The following SLC35F4 variants were observed in gnomAD, a reference collection of about 807,000 sequenced individuals.
The protein encoded by SLC35F4 is solute carrier family 35 member F4.
In SLC35F4, 24 loss-of-function variants were observed where a neutral mutation model predicts 44.2. That is an observed-to-expected ratio of 0.54 (90% CI 0.39 to 0.76). The LOEUF (loss-of-function observed/expected upper bound fraction) is 0.76, where lower values mean the gene tolerates loss of function less well. Among genes scored for constraint, SLC35F4 ranks in the 30% least tolerant of loss-of-function variants. The probability of loss-of-function intolerance (pLI) is 0.00; values close to 1 mark genes in which losing one functional copy is unlikely to be tolerated. For synonymous variants in SLC35F4, 238 were observed against 223.6 expected, an observed-to-expected ratio of 1.06 and a Z score of -0.57; for missense variants, 562 against 586.1, an observed-to-expected ratio of 0.96 and a Z score of 0.42.
intron 1 of SLC35F4, among the ~76,000 whole-genome samples, chr14:57,691,754 G>C (rs2075237655): frequency 6.6e-6 from 1 of 152,128 alleles, no homozygotes; most frequent in African/African-American, 2.4e-5. Flanking sequence ...AGAAAAGAAG[G>C]CCCTTCTCTT....
At chr14:57,843,887 A>G (rs890075838) in intron 1 of SLC35F4, among the ~76,000 whole-genome samples, 1 of 152,128 alleles carries the variant, frequency 6.6e-6, no homozygotes, top group African/African-American at 2.4e-5. Context: ...ATTTCCATTA[A>G]GTAGCCAGAA....
At chr14:57,964,353 G>T (rs1890394570) in intron 1 of SLC35F4, among the ~76,000 whole-genome samples, 1 of 152,010 alleles carries the variant, frequency 6.6e-6, no homozygotes, top group African/African-American at 2.4e-5. Flanking sequence ...GGAAGTGAAA[G>T]ATGTACTTTG....
chr14:57,775,001 C>T (rs1478224502), intron 1 of SLC35F4, among the ~76,000 whole-genome samples: 3 of 151,740 alleles, frequency 2.0e-5, no homozygotes, highest in South Asian at 4.1e-4. Flanking sequence ...CTGCCAGCAC[C>T]GCCCCCACCA....
At chr14:57,766,182 G>A (rs2077230194) in intron 1 of SLC35F4, among the ~76,000 whole-genome samples, 1 of 152,170 alleles carries the variant, frequency 6.6e-6, no homozygotes, top group South Asian at 2.1e-4. Context: ...ATCAAGAGCT[G>A]TACCTCTTTA....
rs2140825666 is a variant in SLC35F4, at chr14:57,794,909, G to T, written c.103+70814C>A. On this transcript the variant is annotated intron_variant, in intron 1 of 7. Coordinates refer to ENST00000556826, the MANE Select transcript of SLC35F4 (RefSeq NM_001306087.2). ...TACTGGTTTTGGAGATTAATGAAAA[G>T]ACCTTCAGAAATCTTGAAGATGCTG... 2.0e-5 allele frequency among the ~76,000 whole-genome samples: 3 copies of T among 152,236 alleles called. No individual in the cohort carries two copies. The Middle Eastern group carries it at 0.01, about 518-fold the overall frequency.
intron 1 of SLC35F4, among the ~76,000 whole-genome samples, chr14:57,677,251 C>A (rs1472272525): frequency 6.6e-6 from 1 of 151,638 alleles, no homozygotes; most frequent in East Asian, 1.9e-4. Context: ...CCTTTGGGGA[C>A]TTGAGGGAAA....
chr14:57,809,533 C>A (rs1419809443), intron 1 of SLC35F4, among the ~76,000 whole-genome samples: 3 of 152,198 alleles, frequency 2.0e-5, no homozygotes, highest in Non-Finnish European at 4.4e-5. Flanking sequence ...AGAAGATCCA[C>A]CCCCATCAAA....
At chr14:57,785,945 C>T (rs2077746302) in intron 1 of SLC35F4, among the ~76,000 whole-genome samples, 1 of 152,066 alleles carries the variant, frequency 6.6e-6, no homozygotes, top group African/African-American at 2.4e-5. Flanking sequence ...GGCGCAAATC[C>T]AGTGTGCAGA....
intron 1 of SLC35F4, among the ~76,000 whole-genome samples, chr14:57,979,636 A>G (rs1881320255): frequency 1.3e-5 from 2 of 151,790 alleles, no homozygotes; most frequent in African/African-American, 4.8e-5. Flanking sequence ...ACCTTGACCA[A>G]TGCAAGAGGG....
intron 1 of SLC35F4, among the ~76,000 whole-genome samples, chr14:57,903,073 G>A (rs527619665): frequency 1.5e-4 from 23 of 152,232 alleles, no homozygotes; most frequent in African/African-American, 5.5e-4. Context: ...AGCTCCATGA[G>A]GGCAGAGACT....
At chr14:57,582,418 T>C (rs547171118) in intron 3 of SLC35F4, among the ~76,000 whole-genome samples, 36 of 152,224 alleles carry the variant, frequency 2.4e-4, no homozygotes, top group African/African-American at 8.4e-4. Context: ...CCTAGGCTGG[T>C]CTCAAACTCT....
intron 1 of SLC35F4, 39 bp downstream of exon 1, chr14:57,865,684 C>A (rs1236776499): frequency 6.7e-7 from 1 of 1,494,876 alleles, no homozygotes; most frequent in South Asian, 1.2e-5. Context: ...GCCCACCTCC[C>A]TTCCCCGCCT....
chr14:57,792,635 G>C (rs771126501), intron 1 of SLC35F4, among the ~76,000 whole-genome samples: 2 of 152,182 alleles, frequency 1.3e-5, no homozygotes, highest in Admixed American at 6.5e-5. Flanking sequence ...CAACAACCTG[G>C]ATGGTGTTGG....
chr14:57,575,157 C>A (rs1488625646), intron 4 of SLC35F4, among the ~76,000 whole-genome samples: 1 of 152,128 alleles, frequency 6.6e-6, no homozygotes, highest in Non-Finnish European at 1.5e-5. Context: ...GTTCCAGCCT[C>A]TTAACCAACC....
At chr14:57,833,849 A>G (rs1884637638) in intron 1 of SLC35F4, among the ~76,000 whole-genome samples, 1 of 152,234 alleles carries the variant, frequency 6.6e-6, no homozygotes, top group African/African-American at 2.4e-5. Flanking sequence ...TATGAAGACT[A>G]GCTTCACAGA....
intron 1 of SLC35F4, among the ~76,000 whole-genome samples, chr14:57,711,332 A>G (rs2075813481): frequency 6.6e-6 from 1 of 152,102 alleles, no homozygotes; most frequent in Non-Finnish European, 1.5e-5. Context: ...GAGTCAATTA[A>G]GCCTCTTTCC....
At chr14:57,612,456 CACTT>C (rs1300068889) in intron 1 of SLC35F4, among the ~76,000 whole-genome samples, 3 of 152,356 alleles carry the variant, frequency 2.0e-5, no homozygotes, top group Middle Eastern at 3.4e-3. Flanking sequence ...GTTCAAGTGT[CACTT>C]ACCTATAGCG....
chr14:57,766,489 C>T (rs1432392844), intron 1 of SLC35F4, among the ~76,000 whole-genome samples: 1 of 152,150 alleles, frequency 6.6e-6, no homozygotes, highest in Admixed American at 6.6e-5. Context: ...TCATTGTCAG[C>T]CAAGGCAGGC....
intron 1 of SLC35F4, among the ~76,000 whole-genome samples, chr14:57,749,138 TA>T (rs1726110250): frequency 6.6e-6 from 1 of 152,218 alleles, no homozygotes; most frequent in Admixed American, 6.5e-5. Context: ...GAATTATATA[TA>T]AAACACAGGA....
Sources: allele counts gnomAD v4.1 joint callset (sites outside exome capture counted in the v4.1 genomes callset), GRCh38; gene constraint gnomAD v4.1.1; transcripts MANE v1.5; gene names NCBI Gene and HGNC (gene_info 2026-07-23, HGNC 2026-07-21).